ZFHX3: variants seen among roughly 807,000 people sequenced by gnomAD.
The protein encoded by ZFHX3 is zinc finger homeobox protein 3.
In ZFHX3, 42 loss-of-function variants were observed where a neutral mutation model predicts 279.1. That is an observed-to-expected ratio of 0.15 (90% CI 0.12 to 0.19). ZFHX3 has a LOEUF of 0.19. Among genes scored for constraint, ZFHX3 ranks in the 10% least tolerant of loss-of-function variants. The probability of loss-of-function intolerance (pLI) is 1.00; values close to 1 mark genes in which losing one functional copy is unlikely to be tolerated. For missense variants in ZFHX3, 4,981 were observed against 4,754.0 expected (o/e 1.05, Z -1.40); for synonymous variants, 2,293 against 1,957.8 (o/e 1.17, Z -4.52).
intron 1 of ZFHX3, among the ~76,000 whole-genome samples, chr16:73,761,156 G>A (rs571387130): frequency 2.6e-5 from 4 of 152,130 alleles, no homozygotes; most frequent in African/African-American, 9.6e-5. Context: ...CAAAATCAAT[G>A]TGCAAAAATC....
intron 1 of ZFHX3, among the ~76,000 whole-genome samples, chr16:73,880,312 A>G (rs934455641): frequency 3.9e-5 from 6 of 152,156 alleles, no homozygotes; most frequent in Non-Finnish European, 8.8e-5. Context: ...CAAAGTGTTT[A>G]AATTAAGGGG....
chr16:73,489,601 C>T (rs999701659), intron 2 of ZFHX3, among the ~76,000 whole-genome samples: 2 of 152,178 alleles, frequency 1.3e-5, no homozygotes, highest in Non-Finnish European at 2.9e-5. Flanking sequence ...AACTTGCTTA[C>T]TTTAAGCAGC....
chr16:73,685,139 C>T (rs950119895), intron 1 of ZFHX3, among the ~76,000 whole-genome samples: 3 of 151,910 alleles, frequency 2.0e-5, no homozygotes, highest in South Asian at 2.1e-4. Context: ...CTCAGCCTCC[C>T]GAGTAGCTGG....
At chr16:73,437,798 C>T (rs1368165955) in intron 3 of ZFHX3, among the ~76,000 whole-genome samples, 3 of 152,178 alleles carry the variant, frequency 2.0e-5, no homozygotes, top group Non-Finnish European at 2.9e-5. Flanking sequence ...AGTCAAATCT[C>T]GCTATTTTCC....
chr16:72,855,008 G>A (rs967463727), intron 4 of ZFHX3, among the ~76,000 whole-genome samples: 2 of 152,060 alleles, frequency 1.3e-5, no homozygotes, highest in African/African-American at 4.8e-5. Flanking sequence ...CCATCTGAGG[G>A]CAATGGGGAG....
At position 72,796,176 on chromosome 16, in the gene ZFHX3, G is replaced by A; in HGVS notation, c.6506C>T (p.Ser2169Phe). 6.2e-7 allele frequency: 1 copy of A among 1,614,098 alleles called. No homozygotes were observed. The highest frequency in any genetic ancestry group is 8.5e-7 in the Non-Finnish European group (1 of 1,180,028). ...CTCTTTTATTTGCTCTTCACTGGGG[G>A]AGTTGTTAATGTCAAAATATTGCCG... is the stretch of plus-strand genomic sequence containing the variant. ...VLRQYFDINN[S>F]PSEEQIKEMA... Residue 2169 changes from serine (S) to phenylalanine (F), a missense_variant, in exon 9 of 10, where the codon TCC becomes TTC. Physicochemically the swap from Ser to Phe is radical, Grantham distance 155. This residue lies in a region of ZFHX3 where 177 missense variants were observed against 244.2 expected (regional missense o/e 0.72). Coordinates refer to ENST00000268489, the MANE Select transcript of ZFHX3 (RefSeq NM_006885.4).
At chr16:73,788,760 G>A (rs961371679) in intron 1 of ZFHX3, among the ~76,000 whole-genome samples, 1 of 148,424 alleles carries the variant, frequency 6.7e-6, no homozygotes, top group African/African-American at 2.4e-5. Flanking sequence ...AGATCATGAG[G>A]TCAGGAAATA....
chr16:73,137,799 CTT>C (rs1966818057), intron 6 of ZFHX3, among the ~76,000 whole-genome samples: 1 of 151,972 alleles, frequency 6.6e-6, no homozygotes, highest in Non-Finnish European at 1.5e-5. Flanking sequence ...CCAAAGGAAA[CTT>C]ATCTCAAACA....
At chr16:73,142,043 A>C (rs531118186) in intron 6 of ZFHX3, among the ~76,000 whole-genome samples, 1 of 152,226 alleles carries the variant, frequency 6.6e-6, no homozygotes, top group Non-Finnish European at 1.5e-5. Flanking sequence ...TGGGCTGCAC[A>C]TCATCACCCT....
intron 1 of ZFHX3, among the ~76,000 whole-genome samples, chr16:73,788,045 T>C (rs1959706991): frequency 6.6e-6 from 1 of 152,022 alleles, no homozygotes; most frequent in African/African-American, 2.4e-5. Context: ...AGTGGAGCAC[T>C]CTGGGAGCTA....
intron 1 of ZFHX3, among the ~76,000 whole-genome samples, chr16:73,811,850 G>C (rs1193744948): frequency 6.6e-6 from 1 of 152,156 alleles, no homozygotes; most frequent in South Asian, 2.1e-4. Context: ...CCACTTGGGA[G>C]ACATGTCCAA....
rs569109126 is a variant in ZFHX3, at chr16:73,782,704, G to A, written c.-1607-102464C>T. Reference sequence around the variant, plus strand: ...CTGAGTAGAAGCATTAAAAGTTGGCGCATGACCCTCTGGTTCTGCCCTTGT... The same window carrying A: ...CTGAGTAGAAGCATTAAAAGTTGGCACATGACCCTCTGGTTCTGCCCTTGT... On this transcript the variant is annotated intron_variant, in intron 1 of 17. Coordinates refer to the ZFHX3 transcript ENST00000641206. 3.9e-3 allele frequency among the ~76,000 whole-genome samples: 597 copies of A among 152,236 alleles called. 4 individuals carry two copies. The highest frequency in any genetic ancestry group is 0.013 in the African/African-American group (547 of 41,550).
intron 1 of ZFHX3, among the ~76,000 whole-genome samples, chr16:72,993,336 C>A (rs878943198): frequency 6.6e-6 from 1 of 152,290 alleles, no homozygotes; most frequent in Middle Eastern, 3.4e-3. Flanking sequence ...CTAAGAGATC[C>A]GTAGTATCAT....
intron 2 of ZFHX3, among the ~76,000 whole-genome samples, chr16:73,481,200 C>T (rs945088222): frequency 1.3e-5 from 2 of 151,884 alleles, no homozygotes; most frequent in Non-Finnish European, 2.9e-5. Context: ...ATGGTGGTAC[C>T]CACCTGTAAT....
rs151319216 is a variant in ZFHX3 at position 73,221,817 on chromosome 16, A to T, written c.-1104+35230T>A. Among the ~76,000 whole-genome samples the T allele has an allele frequency of 2.0e-3, 303 of 152,284 alleles. 2 individuals carry two copies. The highest frequency in any genetic ancestry group is 6.8e-3 in the Middle Eastern group (2 of 294). ...CAAATAAAAAGACCCTCTATTGTAC[A>T]CATTCTTAAAAAAATAAAAATGAAA... On this transcript the variant is annotated intron_variant, in intron 5 of 17. Transcript: ENST00000641206.
At chr16:73,286,199 C>G (rs916207169) in intron 4 of ZFHX3, among the ~76,000 whole-genome samples, 3 of 152,118 alleles carry the variant, frequency 2.0e-5, no homozygotes, top group Non-Finnish European at 2.9e-5. Context: ...CCCTCTCCCC[C>G]TCCTCCTGCA....
chr16:73,744,022 G>A (rs888895813), intron 1 of ZFHX3, among the ~76,000 whole-genome samples: 5 of 151,900 alleles, frequency 3.3e-5, no homozygotes, highest in African/African-American at 4.8e-5. Context: ...TTTTAATTCC[G>A]CAAACCGACC....
chr16:73,140,500 A>G (rs1055754282), intron 6 of ZFHX3, among the ~76,000 whole-genome samples: 6 of 152,134 alleles, frequency 3.9e-5, no homozygotes, highest in African/African-American at 1.4e-4. Flanking sequence ...CAGTTCTACT[A>G]TTAACAGTGG....
intron 4 of ZFHX3, among the ~76,000 whole-genome samples, chr16:73,288,459 G>C (rs1355887037): frequency 6.6e-6 from 1 of 152,182 alleles, no homozygotes; most frequent in Non-Finnish European, 1.5e-5. Context: ...ACCTGCCCCT[G>C]CACTGATAGC....
Sources: gnomAD v4.1 joint callset for allele counts (sites outside exome capture counted in the v4.1 genomes callset) on GRCh38, gnomAD v4.1.1 for gene constraint, gnomAD v4.1.1 regional missense constraint, MANE v1.5 for transcripts, NCBI Gene and HGNC (gene_info 2026-07-23, HGNC 2026-07-21) for gene names.